The following PVT1 variants were observed in gnomAD, a reference collection of about 807,000 sequenced individuals.
PVT1 encodes CXCR4/PVT1 fusion.
intron 2 of PVT1, among the ~76,000 whole-genome samples, chr8:127,815,176 A>C (rs1490368626): frequency 6.6e-6 from 1 of 152,140 alleles, no homozygotes; most frequent in Non-Finnish European, 1.5e-5. Flanking sequence ...CATGTTGGCC[A>C]GGCTGGTCTC....
chr8:128,000,714 A>G (rs149723488), intron 4 of PVT1, among the ~76,000 whole-genome samples: 10 of 152,300 alleles, frequency 6.6e-5, no homozygotes, highest in South Asian at 2.1e-4. Flanking sequence ...TCCCATAACA[A>G]TAGTTGATTT....
chr8:128,008,929 G>A (rs1327785163), intron 4 of PVT1: 1 of 526,280 alleles, frequency 1.9e-6, no homozygotes, highest in South Asian at 1.4e-5. Context: ...AGCTCTTGCA[G>A]TAGGTTTTTG....
chr8:127,847,960 G>A (rs985501278), intron 2 of PVT1, among the ~76,000 whole-genome samples: 8 of 152,114 alleles, frequency 5.3e-5, no homozygotes, highest in Non-Finnish European at 1.2e-4. Context: ...CTGGAGTGCA[G>A]TGGTGTGATC....
intron 2 of PVT1, among the ~76,000 whole-genome samples, chr8:127,884,069 G>A (rs1019368464): frequency 3.9e-5 from 6 of 152,186 alleles, no homozygotes; most frequent in African/African-American, 1.2e-4. Flanking sequence ...ATAGCTTGAC[G>A]AATGTTCTCA....
chr8:127,922,272 AC>A (rs1178796690), intron 3 of PVT1, among the ~76,000 whole-genome samples: 1 of 24,370 alleles, frequency 4.1e-5, no homozygotes. Flanking sequence ...TTTCCAAGAT[AC>A]CCACCCCCCC....
intron 2 of PVT1, among the ~76,000 whole-genome samples, chr8:127,842,349 G>T (rs1294856907): frequency 6.6e-6 from 1 of 151,592 alleles, no homozygotes; most frequent in African/African-American, 2.4e-5. Context: ...TCAACTCCTG[G>T]GATCCAGTGA....
intron 5 of PVT1, among the ~76,000 whole-genome samples, chr8:128,080,614 T>C (rs1814163759): frequency 6.6e-6 from 1 of 152,248 alleles, no homozygotes; most frequent in African/African-American, 2.4e-5. Flanking sequence ...ATAAAATTCC[T>C]TTAAGTGACA....
intron 2 of PVT1, among the ~76,000 whole-genome samples, chr8:127,842,601 C>T (rs1291697474): frequency 6.6e-6 from 1 of 152,038 alleles, no homozygotes; most frequent in Non-Finnish European, 1.5e-5. Flanking sequence ...TCCCAAGTAG[C>T]AACTCTGGAC....
chr8:128,050,460 G>A (rs1465431294), intron 4 of PVT1, among the ~76,000 whole-genome samples: 3 of 152,160 alleles, frequency 2.0e-5, no homozygotes, highest in Admixed American at 6.5e-5. Flanking sequence ...GAATGCCTCC[G>A]AGCCTCTTAT....
At chr8:127,972,098 T>C (rs1335671454) in intron 3 of PVT1, among the ~76,000 whole-genome samples, 1 of 152,220 alleles carries the variant, frequency 6.6e-6, no homozygotes, top group Non-Finnish European at 1.5e-5. Context: ...GCCTGCAGAT[T>C]CCTCAGGAAC....
intron 2 of PVT1, among the ~76,000 whole-genome samples, chr8:127,858,407 A>AAAT (rs1815183690): frequency 1.4e-5 from 2 of 141,794 alleles, no homozygotes; most frequent in African/African-American, 5.3e-5. Flanking sequence ...ACTCTGTCTC[A>AAAT]AAATAAATAA....
chr8:127,850,195 A>C (rs1451629676), intron 2 of PVT1, among the ~76,000 whole-genome samples: 2 of 152,158 alleles, frequency 1.3e-5, no homozygotes, highest in African/African-American at 4.8e-5. Flanking sequence ...GCTGCTTTCT[A>C]TACCACCCAC....
intron 4 of PVT1, among the ~76,000 whole-genome samples, chr8:128,031,531 C>G (rs376760576): frequency 1.3e-5 from 2 of 152,234 alleles, no homozygotes; most frequent in East Asian, 3.9e-4. Flanking sequence ...GGCTCTTCAC[C>G]TTGTAAAACT....
At chr8:127,930,776 C>T (rs1240552734) in intron 3 of PVT1, among the ~76,000 whole-genome samples, 4 of 152,100 alleles carry the variant, frequency 2.6e-5, no homozygotes, top group African/African-American at 9.7e-5. Flanking sequence ...GCTGAGAACC[C>T]CCTTATAGCA....
intron 3 of PVT1, among the ~76,000 whole-genome samples, chr8:127,896,774 T>TCCCCCCCC (rs71566652): frequency 1.8e-5 from 2 of 112,312 alleles, no homozygotes; most frequent in African/African-American, 3.8e-5. Context: ...ATGCCTTTCC[T>TCCCCCCCC]CCCCCCCCCC....
At chr8:128,085,599 C>G (rs529842245) in intron 5 of PVT1, among the ~76,000 whole-genome samples, 263 of 152,212 alleles carry the variant, frequency 1.7e-3, no homozygotes, top group Non-Finnish European at 3.5e-4. Flanking sequence ...TGTCCAAAAC[C>G]TAGCACGCTT....
chr8:127,864,423 TGGA>T (rs1161227190), intron 2 of PVT1, among the ~76,000 whole-genome samples: 1 of 152,330 alleles, frequency 6.6e-6, no homozygotes, highest in East Asian at 1.9e-4. Flanking sequence ...ATTCAGTAAC[TGGA>T]TGCCTGCTCC....
At position 127,966,212 on chromosome 8, in the gene PVT1, G is replaced by A. The variant is rs550033390; in HGVS notation, n.783-22950G>A. 1.3e-5 allele frequency among the ~76,000 whole-genome samples: 2 copies of A among 152,182 alleles called. 1 individual carries two copies. The highest frequency in any genetic ancestry group is 4.1e-4 in the South Asian group (2 of 4,834). ...CAGTGTTGTTTTTGATCCTGCCACTGTATGGTATTGAATTTACCTGGGTTA... is the reference window on the plus strand; with the variant it reads ...CAGTGTTGTTTTTGATCCTGCCACTATATGGTATTGAATTTACCTGGGTTA... On this transcript the variant is annotated intron_variant and non_coding_transcript_variant, in intron 3 of 10. Transcript: ENST00000651587.
intron 2 of PVT1, among the ~76,000 whole-genome samples, chr8:127,862,902 T>A (rs1815243434): frequency 6.6e-6 from 1 of 152,162 alleles, no homozygotes; most frequent in South Asian, 2.1e-4. Context: ...ATTTTGCAGA[T>A]GGTGGAACCG....
Sources: allele counts gnomAD v4.1 joint callset (sites outside exome capture counted in the v4.1 genomes callset), GRCh38; gene constraint gnomAD v4.1.1; transcripts MANE v1.5; gene names NCBI Gene and HGNC (gene_info 2026-07-23, HGNC 2026-07-21).